RORA: variants seen among roughly 807,000 people sequenced by gnomAD.
RORA encodes RAR related orphan receptor A.
RORA carries 7 observed loss-of-function variants against 69.5 expected under a neutral mutation model. The observed-to-expected ratio is 0.10, with a 90% CI of 0.06 to 0.19. The LOEUF is 0.19. Ranked by LOEUF, RORA falls within the 10% of genes least tolerant of loss-of-function variation. The probability of loss-of-function intolerance (pLI) is 1.00; values close to 1 mark genes in which losing one functional copy is unlikely to be tolerated. For missense variants in RORA, 457 were observed against 663.0 expected, an observed-to-expected ratio of 0.69 and a Z score of 3.41; for synonymous variants, 261 against 240.8, an observed-to-expected ratio of 1.08 and a Z score of -0.78.
At chr15:60,652,259 A>G (rs2070154615) in intron 2 of RORA, among the ~76,000 whole-genome samples, 1 of 152,152 alleles carries the variant, frequency 6.6e-6, no homozygotes, top group Non-Finnish European at 1.5e-5. Context: ...AACTTAGCTC[A>G]TTTTTCCAAC....
Position 61,229,116 on chromosome 15 carries a change from A to G in RORA, c.103T>C (p.Ser35Pro). 1 of 1,541,194 alleles carries G rather than the reference A, an allele frequency of 6.5e-7. No homozygotes were observed. The highest frequency in any genetic ancestry group is 8.7e-7 in the Non-Finnish European group (1 of 1,144,174). ...GCAGGCGGCTCGCTCTTGCGGGCGG[A>G]TTCCTGGTTCAGCGGGGTCTCCCTG... ...GSRETPLNQE[S>P]ARKSEPPAPV... is the part of the protein sequence containing the mutation. Residue 35 changes from serine (S) to proline (P), a missense_variant, in exon 1 of 11, where the codon TCC (serine) becomes CCC (proline). Ser to Pro is a moderately conservative substitution (Grantham distance 74). Around this residue, in one of 3 missense-constraint regions of RORA, gnomAD observed 119 missense variants for 92.4 expected, o/e 1.29. Transcript: ENST00000335670.
rs114463461 is a variant in RORA, at chr15:60,558,237, A to G, written c.197-26386T>C. The G allele has an allele frequency of 3.6e-5, 58 of 1,610,898 alleles. No homozygotes were observed. The African/African-American group carries it at 7.3e-4, about 20-fold the overall frequency. On this transcript the variant is annotated intron_variant, in intron 2 of 10. Transcript: ENST00000335670. ...TGGATTCACTTACACAGACGCCAGTAAGAACAAAAGCATCACCTGAAGACA... is the reference window on the plus strand; with the variant it reads ...TGGATTCACTTACACAGACGCCAGTGAGAACAAAAGCATCACCTGAAGACA...
intron 1 of RORA, among the ~76,000 whole-genome samples, chr15:60,681,158 C>T (rs1391287045): frequency 1.3e-5 from 2 of 152,080 alleles, no homozygotes; most frequent in Admixed American, 1.3e-4. Flanking sequence ...TAAATGATTC[C>T]ATAGAAGTAC....
In RORA at chr15:61,163,242, A is replaced by G. The variant is rs186980293; in HGVS notation, c.166+65811T>C. The stretch of plus-strand genomic sequence containing the variant: ...TGCCAAATCATGGAAGGCCACATAG[A>G]AATTAAATGGACAAGGGGTCTGGGT... On this transcript the variant is annotated intron_variant, in intron 1 of 10. Transcript: ENST00000335670. Among the ~76,000 whole-genome samples the G allele has an allele frequency of 1.5e-3, 232 of 152,256 alleles. 1 individual carries two copies. Among genetic ancestry groups the G allele is most frequent in the African/African-American group, 5.4e-3 (223 of 41,564 alleles).
chr15:60,704,495 G>T (rs2071032834), intron 1 of RORA, among the ~76,000 whole-genome samples: 1 of 152,210 alleles, frequency 6.6e-6, no homozygotes, highest in South Asian at 2.1e-4. Flanking sequence ...TGTTGGGCAA[G>T]GTTTTCTGTT....
At chr15:61,215,083 C>T (rs2080028654) in intron 1 of RORA, among the ~76,000 whole-genome samples, 1 of 140,030 alleles carries the variant, frequency 7.1e-6, no homozygotes, top group African/African-American at 2.7e-5. Flanking sequence ...TGGGGTTTCA[C>T]CGTGTTAGCC....
At chr15:61,105,017 G>A (rs1383330217) in intron 1 of RORA, among the ~76,000 whole-genome samples, 6 of 127,108 alleles carry the variant, frequency 4.7e-5, no homozygotes, top group East Asian at 2.2e-4. Context: ...GCCCAGCCAC[G>A]TGGAACTCTG....
chr15:61,012,852 G>A (rs1322780486), intron 1 of RORA, among the ~76,000 whole-genome samples: 2 of 152,106 alleles, frequency 1.3e-5, no homozygotes, highest in Non-Finnish European at 2.9e-5. Context: ...GTTTCACCAT[G>A]TTGCCCAGGC....
Position 60,863,208 on chromosome 15 carries a change from G to T in RORA, c.167-184522C>A, listed in dbSNP as rs1355929774. On this transcript the variant is annotated intron_variant, in intron 1 of 10. Transcript: ENST00000335670. ...GAAGTGAACTACTGGACACAGCACA[G>T]ATAGTGACAGAGCCTGGGCTTGCAC... 3.3e-5 allele frequency among the ~76,000 whole-genome samples: 5 copies of T among 152,336 alleles called. No homozygotes were observed. In the East Asian group the frequency reaches 7.7e-4, roughly 24 times the overall value.
chr15:61,058,435 A>C (rs534916863), intron 1 of RORA, among the ~76,000 whole-genome samples: 10 of 152,296 alleles, frequency 6.6e-5, no homozygotes, highest in African/African-American at 2.4e-4. Context: ...CTTTGAAGGA[A>C]GTCAGCTCAG....
rs74354962 is a variant in RORA at position 60,920,381 on chromosome 15, T to C, written c.167-241695A>G. 1.5e-3 allele frequency among the ~76,000 whole-genome samples: 230 copies of C among 152,354 alleles called. 1 individual carries two copies. The East Asian group carries it at 0.036, about 24-fold the overall frequency. On this transcript the variant is annotated intron_variant, in intron 1 of 10. Transcript: ENST00000335670. ...TTTTCAACGTCAAAGAATAAGTAGA[T>C]CTGGGATTTGAACCTATGCCCATTT...
intron 1 of RORA, among the ~76,000 whole-genome samples, chr15:61,015,552 T>C (rs1388844395): frequency 6.6e-6 from 1 of 152,190 alleles, no homozygotes; most frequent in African/African-American, 2.4e-5. Context: ...ATTATACTAG[T>C]TCATATTTAT....
chr15:60,822,290 C>T (rs1283144985), intron 1 of RORA, among the ~76,000 whole-genome samples: 15 of 152,136 alleles, frequency 9.9e-5, no homozygotes, highest in Admixed American at 9.8e-4. Flanking sequence ...TATGACTTGC[C>T]AAGGTCTCTA....
At position 60,502,856 on chromosome 15, in the gene RORA, C is replaced by G; in HGVS notation, c.1087G>C (p.Val363Leu). Residue 363 changes from valine to leucine, a missense_variant, in exon 8 of 11, where the codon GTG becomes CTG. Val to Leu is a conservative substitution (Grantham distance 32, BLOSUM62 1). Around this residue, in one of 3 missense-constraint regions of RORA, gnomAD observed 304 missense variants for 447.4 expected, o/e 0.68. Coordinates refer to ENST00000335670, the MANE Select transcript of RORA (RefSeq NM_134261.3). Reference protein sequence around the residue: ...IVLLKAGSLEVVFIRMCRAFD... With the variant: ...IVLLKAGSLELVFIRMCRAFD... Reference sequence around the variant, plus strand: ...GCACGGCACATTCTGATAAACACCACCTCTAGAGAACCTAAGCAGAGGCAG... The same window carrying G: ...GCACGGCACATTCTGATAAACACCAGCTCTAGAGAACCTAAGCAGAGGCAG... 6.2e-7 allele frequency: 1 copy of G among 1,611,960 alleles called. No homozygotes were observed. The highest frequency in any genetic ancestry group is 1.7e-5 in the Admixed American group (1 of 60,022).
intron 2 of RORA, among the ~76,000 whole-genome samples, chr15:60,646,978 T>G (rs1025049392): frequency 1.3e-5 from 2 of 152,186 alleles, no homozygotes; most frequent in African/African-American, 4.8e-5. Context: ...ATTTTTGGGC[T>G]CAGTAACCTG....
intron 1 of RORA, among the ~76,000 whole-genome samples, chr15:60,834,951 G>A (rs1386763440): frequency 3.3e-5 from 5 of 151,618 alleles, no homozygotes; most frequent in Non-Finnish European, 4.4e-5. Context: ...AATAGGAGTC[G>A]ACAAGCTCGG....
intron 1 of RORA, among the ~76,000 whole-genome samples, chr15:60,851,675 A>G (rs928246596): frequency 6.6e-6 from 1 of 151,914 alleles, no homozygotes; most frequent in Non-Finnish European, 1.5e-5. Context: ...CTTAAAGACA[A>G]TTCTGTGGCT....
At chr15:60,501,823 T>C (rs1178242357) in intron 8 of RORA, among the ~76,000 whole-genome samples, 1 of 152,238 alleles carries the variant, frequency 6.6e-6, no homozygotes, top group East Asian at 1.9e-4. Context: ...TTGCATATTT[T>C]ACATATAAAT....
intron 1 of RORA, among the ~76,000 whole-genome samples, chr15:60,806,002 T>C (rs1038895990): frequency 2.0e-5 from 3 of 152,228 alleles, no homozygotes; most frequent in Admixed American, 6.5e-5. Flanking sequence ...AGGGGGTAGA[T>C]TGGGCAGGCT....
Sources: allele counts gnomAD v4.1 joint callset (sites outside exome capture counted in the v4.1 genomes callset), GRCh38; gene constraint gnomAD v4.1.1; regional missense constraint gnomAD v4.1.1; transcripts MANE v1.5; gene names NCBI Gene and HGNC (gene_info 2026-07-23, HGNC 2026-07-21).